DAB1: variants seen among roughly 807,000 people sequenced by gnomAD.
DAB1 encodes DAB adaptor protein 1.
A neutral mutation model predicts 64.6 loss-of-function variants in DAB1; 15 were observed. The ratio of observed to expected loss-of-function variants is 0.23; its 90% CI spans 0.16 to 0.36. The LOEUF is 0.36. DAB1 is among the 10% of genes least tolerant of loss of function. The pLI is 1.00. For synonymous variants in DAB1, 235 were observed against 251.9 expected (o/e 0.93, Z 0.64); for missense variants, 596 against 706.7 (o/e 0.84, Z 1.78).
chr1:58,101,078 A>G (rs1204337124), intron 5 of DAB1, among the ~76,000 whole-genome samples: 1 of 152,182 alleles, frequency 6.6e-6, no homozygotes, highest in Non-Finnish European at 1.5e-5. Context: ...ACATTTTAGG[A>G]GGCCGAGGCA....
intron 1 of DAB1, among the ~76,000 whole-genome samples, chr1:57,397,746 T>A (rs986086583): frequency 6.6e-6 from 1 of 152,250 alleles, no homozygotes; most frequent in East Asian, 1.9e-4. Flanking sequence ...AGCCTACTGA[T>A]GACATGTATT....
At chr1:57,218,470 A>C (rs1417617259) in intron 2 of DAB1, among the ~76,000 whole-genome samples, 1 of 143,102 alleles carries the variant, frequency 7.0e-6, no homozygotes, top group Non-Finnish European at 1.5e-5. Context: ...ACTTGGGCTC[A>C]GGAGTTTGAG....
chr1:57,009,600 T>C (rs1646201295), intron 14 of DAB1, among the ~76,000 whole-genome samples: 2 of 152,168 alleles, frequency 1.3e-5, no homozygotes, highest in African/African-American at 4.8e-5. Context: ...GAGAAAACTG[T>C]TTACCATTTT....
intron 7 of DAB1, among the ~76,000 whole-genome samples, chr1:57,595,994 T>C (rs1645504511): frequency 6.6e-6 from 1 of 152,184 alleles, no homozygotes; most frequent in South Asian, 2.1e-4. Context: ...GTCTCAGACA[T>C]TTCTTTATAG....
chr1:58,454,637 C>T (rs1342916965), intron 3 of DAB1, among the ~76,000 whole-genome samples: 1 of 152,048 alleles, frequency 6.6e-6, no homozygotes, highest in African/African-American at 2.4e-5. Context: ...GCATCAGCCT[C>T]CTCCTGCTCC....
rs1646697260 is a variant in DAB1, at chr1:57,023,752, C to A, written c.787-113G>T. On this transcript the variant is annotated intron_variant, in intron 10 of 14. Coordinates refer to ENST00000371236, the MANE Select transcript of DAB1 (RefSeq NM_001365792.1). ...CAGGGGAAGGGGTCCACAGTTCAAG[C>A]CACTTATGGGGTGTGCAGCCCATGT... 3 of 702,100 alleles carry A rather than the reference C, an allele frequency of 4.3e-6. No homozygotes were observed. The South Asian group carries it at 4.9e-5, about 11-fold the overall frequency. 43.5% of individuals were successfully genotyped at this position (702,100 alleles called of 1,614,324 possible). A position where few individuals can be genotyped will look rare whatever the true frequency, so the allele number is the denominator to read the frequency against.
intron 7 of DAB1, among the ~76,000 whole-genome samples, chr1:57,536,346 A>T (rs1349422484): frequency 6.6e-6 from 1 of 152,240 alleles, no homozygotes; most frequent in Admixed American, 6.5e-5. Context: ...GGATTTTGAC[A>T]GATGGGATCA....
chr1:57,245,691 T>A (rs1431400621), intron 2 of DAB1, among the ~76,000 whole-genome samples: 4 of 152,224 alleles, frequency 2.6e-5, no homozygotes, highest in Non-Finnish European at 5.9e-5. Flanking sequence ...TTGTTGGACA[T>A]TTGGGTTGGT....
rs374267561 is a variant in DAB1, at chr1:58,440,634, A to T, written n.257+65426T>A. ...TGTACAGTATGGACTTAATGAGATAATGAAATAAGTGTTTATCAGACACAT... is the reference window on the plus strand; with the variant it reads ...TGTACAGTATGGACTTAATGAGATATTGAAATAAGTGTTTATCAGACACAT... On this transcript the variant is annotated intron_variant and non_coding_transcript_variant, in intron 3 of 20. Transcript: ENST00000485760. Among the ~76,000 whole-genome samples the T allele has an allele frequency of 1.8e-3, 278 of 152,352 alleles. 6 individuals carry two copies. The South Asian group carries it at 0.053, about 29-fold the overall frequency.
intron 6 of DAB1, among the ~76,000 whole-genome samples, chr1:57,820,103 C>G (rs763945770): frequency 3.3e-5 from 5 of 152,190 alleles, no homozygotes; most frequent in African/African-American, 1.2e-4. Flanking sequence ...AAACCAGTGA[C>G]TGTTCACAGG....
intron 7 of DAB1, among the ~76,000 whole-genome samples, chr1:57,560,676 GGCTGCTGTGCAA>G (rs80088366): frequency 0.2 from 30,484 of 152,000 alleles, 3,393 homozygotes; most frequent in Non-Finnish European, 0.24. Context: ...AACAGGTCCA[GGCTGCTGTGCAA>G]GCTGCTGTGC....
chr1:58,313,962 T>C (rs1345229246), intron 4 of DAB1, among the ~76,000 whole-genome samples: 1 of 152,050 alleles, frequency 6.6e-6, no homozygotes, highest in East Asian at 1.9e-4. Flanking sequence ...GATTTTAACA[T>C]ATGAATTTGG....
chr1:58,403,037 C>A (rs1337053933), intron 3 of DAB1, among the ~76,000 whole-genome samples: 1 of 152,172 alleles, frequency 6.6e-6, no homozygotes, highest in Non-Finnish European at 1.5e-5. Context: ...CTAAACCAGT[C>A]GATCTCCTTA....
Position 58,160,973 on chromosome 1 carries a change from G to A in DAB1, n.310-10385C>T, listed in dbSNP as rs1018497143. Among the ~76,000 whole-genome samples the A allele has an allele frequency of 1.2e-4, 19 of 152,156 alleles. 1 individual carries two copies. The highest frequency in any genetic ancestry group is 2.4e-5 in the African/African-American group (1 of 41,446). On this transcript the variant is annotated intron_variant and non_coding_transcript_variant, in intron 4 of 20. Transcript: ENST00000485760. ...GCACAACTAACCACAGTAGAAGGTAGGAAGTGCTGTAGTTGTACTGTATTA... is the reference window on the plus strand; with the variant it reads ...GCACAACTAACCACAGTAGAAGGTAAGAAGTGCTGTAGTTGTACTGTATTA...
intron 1 of DAB1, among the ~76,000 whole-genome samples, chr1:57,830,631 A>G (rs1652544384): frequency 6.6e-6 from 1 of 152,164 alleles, no homozygotes; most frequent in Non-Finnish European, 1.5e-5. Context: ...GAATTGACAC[A>G]CAGGCCTGAG....
rs148000676 is a variant in DAB1, at chr1:58,193,537, T to C, written n.310-42949A>G. Among the ~76,000 whole-genome samples the C allele has an allele frequency of 3.3e-5, 5 of 152,346 alleles. No homozygotes were observed. The East Asian group carries it at 9.6e-4, about 29-fold the overall frequency. ...CAACAATTCTATGAAATAAGTACTA[T>C]TATTATCTCTATTTACAAATGATAA... On this transcript the variant is annotated intron_variant and non_coding_transcript_variant, in intron 4 of 20. Coordinates refer to the DAB1 transcript ENST00000485760.
intron 5 of DAB1, among the ~76,000 whole-genome samples, chr1:58,038,223 T>A (rs146963618): frequency 6.6e-6 from 1 of 152,278 alleles, no homozygotes; most frequent in East Asian, 1.9e-4. Flanking sequence ...CTTCTCAGAC[T>A]TAGGTGGAAG....
At chr1:58,232,651 A>G (rs1157802915) in intron 4 of DAB1, among the ~76,000 whole-genome samples, 1 of 152,202 alleles carries the variant, frequency 6.6e-6, no homozygotes, top group Non-Finnish European at 1.5e-5. Flanking sequence ...GAGGAAGAAG[A>G]GACTTACTCG....
intron 4 of DAB1, among the ~76,000 whole-genome samples, chr1:58,312,758 G>A (rs1277921943): frequency 6.6e-6 from 1 of 152,092 alleles, no homozygotes; most frequent in Non-Finnish European, 1.5e-5. Flanking sequence ...GACTAGCTGG[G>A]TTCAGATCCC....
Sources: gnomAD v4.1 joint callset for allele counts (sites outside exome capture counted in the v4.1 genomes callset) on GRCh38, gnomAD v4.1.1 for gene constraint, MANE v1.5 for transcripts, NCBI Gene and HGNC (gene_info 2026-07-23, HGNC 2026-07-21) for gene names.